The following ARHGAP26 variants were observed in gnomAD, a reference collection of about 807,000 sequenced individuals.
ARHGAP26 encodes the protein Rho GTPase activating protein 26, also known as rho GTPase-activating protein 26.
ARHGAP26 carries 38 observed loss-of-function variants against 104.8 expected under a neutral mutation model. The ratio of observed to expected loss-of-function variants is 0.36; its 90% CI spans 0.28 to 0.48. The LOEUF (loss-of-function observed/expected upper bound fraction) is 0.48, where lower values mean the gene tolerates loss of function less well. Among genes scored for constraint, ARHGAP26 ranks in the 20% least tolerant of loss-of-function variants. The probability of loss-of-function intolerance (pLI) is 0.99; values close to 1 mark genes in which losing one functional copy is unlikely to be tolerated. For missense variants in ARHGAP26, 704 were observed against 947.9 expected (o/e 0.74, Z 3.38); for synonymous variants, 341 against 340.0 (o/e 1.00, Z -0.03).
intron 11 of ARHGAP26, among the ~76,000 whole-genome samples, chr5:142,937,829 G>A (rs1765662850): frequency 6.6e-6 from 1 of 152,126 alleles, no homozygotes; most frequent in Admixed American, 6.6e-5. Context: ...TTTTTGAAGT[G>A]ACAGTTTTAG....
intron 11 of ARHGAP26, among the ~76,000 whole-genome samples, chr5:143,001,951 A>G (rs1397572016): frequency 1.3e-5 from 2 of 152,210 alleles, no homozygotes; most frequent in Admixed American, 1.3e-4. Context: ...AGTCCTCTGA[A>G]CTGACAGCTG....
chr5:142,941,729 T>C (rs577426586), intron 11 of ARHGAP26, among the ~76,000 whole-genome samples: 3 of 152,224 alleles, frequency 2.0e-5, no homozygotes, highest in Non-Finnish European at 4.4e-5. Context: ...TTAGGAAATA[T>C]TTAATTAACC....
chr5:142,794,515 G>A (rs1291856883), intron 1 of ARHGAP26, among the ~76,000 whole-genome samples: 3 of 152,178 alleles, frequency 2.0e-5, no homozygotes, highest in Non-Finnish European at 4.4e-5. Flanking sequence ...TACTTTGGGC[G>A]ATCAGGCTGT....
intron 1 of ARHGAP26, among the ~76,000 whole-genome samples, chr5:142,850,880 C>G (rs1277600317): frequency 6.6e-6 from 1 of 152,212 alleles, no homozygotes; most frequent in Non-Finnish European, 1.5e-5. Flanking sequence ...AAGAGAATCA[C>G]TGGTATAGCC....
chr5:142,968,255 A>G (rs1012896151), intron 11 of ARHGAP26, among the ~76,000 whole-genome samples: 4 of 152,252 alleles, frequency 2.6e-5, no homozygotes, highest in African/African-American at 9.6e-5. Flanking sequence ...GCTAATAAAC[A>G]GAGATAAAAT....
intron 1 of ARHGAP26, among the ~76,000 whole-genome samples, chr5:142,823,298 A>C (rs2152083201): frequency 6.6e-6 from 1 of 152,318 alleles, no homozygotes; most frequent in South Asian, 2.1e-4. Flanking sequence ...TGGCTTCTGC[A>C]TGGCTCCTGT....
chr5:142,932,220 T>A, intron 11 of ARHGAP26, 95 bp downstream of exon 11: 2 of 1,186,210 alleles, frequency 1.7e-6, no homozygotes, highest in Non-Finnish European at 2.5e-6. Flanking sequence ...TTCTAAAGCC[T>A]TGGGTTCTTG....
At chr5:143,221,990 G>A (rs1272701601) in intron 22 of ARHGAP26, among the ~76,000 whole-genome samples, 1 of 152,092 alleles carries the variant, frequency 6.6e-6, no homozygotes, top group Non-Finnish European at 1.5e-5. Context: ...CAGGACAACT[G>A]TTGCCCTCTA....
chr5:143,131,765 G>A (rs1797380444), intron 18 of ARHGAP26, among the ~76,000 whole-genome samples: 1 of 152,202 alleles, frequency 6.6e-6, no homozygotes. Context: ...ATCATGGGAT[G>A]CATCTGCCTA....
intron 20 of ARHGAP26, among the ~76,000 whole-genome samples, chr5:143,166,373 A>G (rs1430495256): frequency 6.6e-6 from 1 of 152,186 alleles, no homozygotes; most frequent in Non-Finnish European, 1.5e-5. Context: ...AGCAGGAACT[A>G]TAAGGAGGTG....
chr5:142,838,124 G>A (rs1769971574), intron 1 of ARHGAP26, among the ~76,000 whole-genome samples: 1 of 152,034 alleles, frequency 6.6e-6, no homozygotes, highest in African/African-American at 2.4e-5. Context: ...GGGCATAGTG[G>A]GTGGGCACCT....
intron 6 of ARHGAP26, among the ~76,000 whole-genome samples, chr5:142,901,548 G>T (rs1282265723): frequency 6.6e-6 from 1 of 152,192 alleles, no homozygotes; most frequent in Non-Finnish European, 1.5e-5. Flanking sequence ...TCAGAACCCT[G>T]GTCTTTGGTT....
At chr5:143,135,123 T>G (rs185376214) in intron 19 of ARHGAP26, among the ~76,000 whole-genome samples, 1 of 152,270 alleles carries the variant, frequency 6.6e-6, no homozygotes, top group Admixed American at 6.5e-5. Flanking sequence ...GATATACACA[T>G]TGAGAGAGGT....
chr5:143,088,517 T>G (rs1207104873), intron 17 of ARHGAP26, among the ~76,000 whole-genome samples: 8 of 152,054 alleles, frequency 5.3e-5, no homozygotes, highest in African/African-American at 1.9e-4. Context: ...GGTAAGGACC[T>G]CCTATAACAT....
chr5:143,111,140 C>G (rs566320661), intron 17 of ARHGAP26, among the ~76,000 whole-genome samples: 1 of 152,322 alleles, frequency 6.6e-6, no homozygotes, highest in South Asian at 2.1e-4. Flanking sequence ...AGATTTTATA[C>G]TGTTGGTGGA....
intron 20 of ARHGAP26, among the ~76,000 whole-genome samples, chr5:143,157,733 G>A (rs1800669841): frequency 6.6e-6 from 1 of 152,192 alleles, no homozygotes; most frequent in Non-Finnish European, 1.5e-5. Flanking sequence ...AGAGAACAGA[G>A]ATTTTGTTTA....
At chr5:142,799,720 T>C (rs1761687542) in intron 1 of ARHGAP26, among the ~76,000 whole-genome samples, 1 of 152,166 alleles carries the variant, frequency 6.6e-6, no homozygotes, top group Non-Finnish European at 1.5e-5. Flanking sequence ...AAAGAGAGGA[T>C]GAGAGAGGCA....
chr5:143,160,474 G>GTTTT (rs201337868), intron 20 of ARHGAP26, among the ~76,000 whole-genome samples: 2 of 95,408 alleles, frequency 2.1e-5, no homozygotes, highest in African/African-American at 6.6e-5. Flanking sequence ...TGCTTTTGGT[G>GTTTT]GTTTTTTTTT....
chr5:142,848,569 G>C lies in ARHGAP26; in HGVS notation c.155-24831G>C, dbSNP rs556151487. ...CACTTTGTCTAACATATGTGTTAGA[G>C]TAAGGCTGTGTGAACATCATAGTTG... On this transcript the variant is annotated intron_variant, in intron 1 of 22. Coordinates refer to ENST00000645722, the MANE Select transcript of ARHGAP26 (RefSeq NM_001135608.3). 3.5e-4 allele frequency among the ~76,000 whole-genome samples: 54 copies of C among 152,292 alleles called. No individual in the cohort carries two copies. In the South Asian group the frequency reaches 5.8e-3, roughly 16 times the overall value.
Sources: allele counts gnomAD v4.1 joint callset (sites outside exome capture counted in the v4.1 genomes callset), GRCh38; gene constraint gnomAD v4.1.1; transcripts MANE v1.5; gene names NCBI Gene and HGNC (gene_info 2026-07-23, HGNC 2026-07-21).